CWC27: variants seen among roughly 807,000 people sequenced by gnomAD.
CWC27 encodes the protein spliceosome-associated protein CWC27 homolog.
In CWC27, 47 loss-of-function variants were observed where a neutral mutation model predicts 63.6. The ratio of observed to expected loss-of-function variants is 0.74; its 90% CI spans 0.58 to 0.94. CWC27 has a LOEUF of 0.94. Among genes scored for constraint, CWC27 ranks in the 40% least tolerant of loss-of-function variants. CWC27 has a pLI of 0.00. For missense variants in CWC27, 495 were observed against 554.3 expected, an observed-to-expected ratio of 0.89 and a Z score of 1.07; for synonymous variants, 175 against 179.8, an observed-to-expected ratio of 0.97 and a Z score of 0.22.
intron 11 of CWC27, among the ~76,000 whole-genome samples, chr5:64,922,559 C>T (rs762271364): frequency 1.2e-4 from 18 of 152,276 alleles, no homozygotes; most frequent in Admixed American, 2.6e-4. Context: ...GATTGGGTTT[C>T]AATCTTCTCT....
intron 11 of CWC27, among the ~76,000 whole-genome samples, chr5:64,927,252 A>G (rs181698701): frequency 7.0e-4 from 106 of 152,332 alleles, no homozygotes; most frequent in African/African-American, 2.5e-3. Flanking sequence ...TACATCACCA[A>G]TTTTAACTTA....
chr5:64,869,050 A>G (rs1000212104), intron 10 of CWC27, among the ~76,000 whole-genome samples: 1 of 152,100 alleles, frequency 6.6e-6, no homozygotes, highest in African/African-American at 2.4e-5. Flanking sequence ...AATAGAGGAA[A>G]AGAAAGCCAT....
chr5:64,847,822 G>T (rs538726379), intron 10 of CWC27, among the ~76,000 whole-genome samples: 190 of 151,904 alleles, frequency 1.3e-3, no homozygotes, highest in Non-Finnish European at 2.3e-3. Flanking sequence ...AAAATATATT[G>T]GGAAAAATGA....
At chr5:64,960,508 T>G (rs897444494) in intron 11 of CWC27, among the ~76,000 whole-genome samples, 3 of 152,120 alleles carry the variant, frequency 2.0e-5, no homozygotes, top group Non-Finnish European at 4.4e-5. Context: ...TCTGATACTT[T>G]TCCTTGAATT....
chr5:64,974,297 C>T (rs1030407098), intron 12 of CWC27, among the ~76,000 whole-genome samples: 3 of 151,994 alleles, frequency 2.0e-5, no homozygotes, highest in African/African-American at 7.3e-5. Context: ...CATTTTCACA[C>T]TGCTGATAAA....
chr5:65,017,856 TGAGGAACACTTCTGTATA>T (rs1750076855), intron 13 of CWC27, among the ~76,000 whole-genome samples: 1 of 152,208 alleles, frequency 6.6e-6, no homozygotes, highest in African/African-American at 2.4e-5. Flanking sequence ...GAGTTTACTT[TGAGGAACACTTCTGTATA>T]GAACTCTTTT....
chr5:64,993,009 C>T lies in CWC27; in HGVS notation c.1256+15771C>T, dbSNP rs1247678308. On this transcript the variant is annotated intron_variant, in intron 13 of 13. Coordinates refer to ENST00000381070, the MANE Select transcript of CWC27 (RefSeq NM_005869.4). ...TACAGTGGGCTGTCTAATCAGAATG[C>T]CTGGGTTCAAATCCCTGCTCAGTGA... 2.6e-5 allele frequency among the ~76,000 whole-genome samples: 4 copies of T among 152,252 alleles called. No individual in the cohort carries two copies. The South Asian group carries it at 6.2e-4, about 24-fold the overall frequency.
At chr5:64,843,013 A>G (rs1405255824) in intron 10 of CWC27, among the ~76,000 whole-genome samples, 1 of 152,234 alleles carries the variant, frequency 6.6e-6, no homozygotes, top group East Asian at 1.9e-4. Context: ...TGTAAGAATA[A>G]TCAATCTCCA....
intron 10 of CWC27, among the ~76,000 whole-genome samples, chr5:64,883,448 A>C: frequency 6.6e-6 from 1 of 152,214 alleles, no homozygotes; most frequent in Non-Finnish European, 1.5e-5. Flanking sequence ...TTAAAATGCC[A>C]GTGTACAAAG....
At position 64,807,772 on chromosome 5, in the gene CWC27, CG is replaced by C; in HGVS notation, c.938+3388del. 2.0e-6 allele frequency: 3 copies of C among 1,535,846 alleles called. No homozygotes were observed. In the South Asian group the frequency reaches 3.6e-5, roughly 18 times the overall value. ...TACTTCACACTTCAAACTCACTCAA[CG>C]GATCACCTGGCTGCTTGTTTTTTTA... On this transcript the variant is annotated intron_variant, in intron 10 of 13. Coordinates refer to ENST00000381070, the MANE Select transcript of CWC27 (RefSeq NM_005869.4).
intron 10 of CWC27, among the ~76,000 whole-genome samples, chr5:64,867,836 C>T (rs1158158789): frequency 1.3e-5 from 2 of 151,918 alleles, no homozygotes; most frequent in African/African-American, 4.8e-5. Flanking sequence ...CTAACACTAA[C>T]ATCTTCTTTC....
At chr5:64,943,679 C>T (rs1342160645) in intron 11 of CWC27, among the ~76,000 whole-genome samples, 1 of 152,140 alleles carries the variant, frequency 6.6e-6, no homozygotes. Context: ...ACCTATATTG[C>T]AAAGTTCCTA....
chr5:65,004,851 A>G (rs72647209), intron 13 of CWC27, among the ~76,000 whole-genome samples: 10,211 of 110,374 alleles, frequency 0.093, 885 homozygotes, highest in East Asian at 0.45. Flanking sequence ...TTCAGAGGGA[A>G]AGACTTTTTC....
chr5:64,885,620 G>C (rs537486584), intron 11 of CWC27, 74 bp downstream of exon 11: 1 of 1,062,648 alleles, frequency 9.4e-7, no homozygotes, highest in East Asian at 2.6e-5. Context: ...CTCCCTGCCC[G>C]CTCCCGTATT....
In CWC27 at chr5:64,868,618, C is replaced by G. The variant is rs571168976; in HGVS notation, c.939-16825C>G. On this transcript the variant is annotated intron_variant, in intron 10 of 13. Coordinates refer to ENST00000381070, the MANE Select transcript of CWC27 (RefSeq NM_005869.4). ...GACCAGCAATCTGTGTTTTAACAAG[C>G]CTTCAGGTGATTCTGATATCAGCTA... is the stretch of plus-strand genomic sequence containing the variant. 2.6e-5 allele frequency among the ~76,000 whole-genome samples: 4 copies of G among 152,074 alleles called. No individual in the cohort carries two copies. In the South Asian group the frequency reaches 8.3e-4, roughly 32 times the overall value.
At chr5:64,879,562 A>G (rs1235618433) in intron 10 of CWC27, among the ~76,000 whole-genome samples, 2 of 151,930 alleles carry the variant, frequency 1.3e-5, no homozygotes, top group Non-Finnish European at 2.9e-5. Context: ...TCATGACACT[A>G]TTTCTGAAAT....
At chr5:64,843,340 A>T (rs1338221048) in intron 10 of CWC27, among the ~76,000 whole-genome samples, 4 of 152,256 alleles carry the variant, frequency 2.6e-5, no homozygotes, top group Non-Finnish European at 2.9e-5. Flanking sequence ...ACAACAATAG[A>T]AAAAGTTAAA....
At chr5:64,817,138 A>G (rs1364279704) in intron 10 of CWC27, among the ~76,000 whole-genome samples, 1 of 152,096 alleles carries the variant, frequency 6.6e-6, no homozygotes, top group African/African-American at 2.4e-5. Context: ...TGCACCAAGC[A>G]TATTCTTCTC....
intron 13 of CWC27, among the ~76,000 whole-genome samples, chr5:64,977,675 A>G (rs1034758983): frequency 6.6e-6 from 1 of 152,206 alleles, no homozygotes; most frequent in African/African-American, 2.4e-5. Context: ...CTTCAAAGTT[A>G]TGATCTACAG....
Sources: allele counts gnomAD v4.1 joint callset (sites outside exome capture counted in the v4.1 genomes callset), GRCh38; gene constraint gnomAD v4.1.1; transcripts MANE v1.5; gene names NCBI Gene and HGNC (gene_info 2026-07-23, HGNC 2026-07-21).